LTAP1: variants seen among roughly 807,000 people sequenced by gnomAD.
LTAP1 encodes HCV NS5A-transactivated protein 4.
At chr1:154,215,296 G>A in the LTAP1 span, among the ~76,000 whole-genome samples, 1 of 152,148 alleles carries the variant, frequency 6.6e-6, no homozygotes, top group Non-Finnish European at 1.5e-5. Context: ...GCCGGGTGCT[G>A]TGGCTCACGC....
chr1:154,208,865 G>C, the LTAP1 span, among the ~76,000 whole-genome samples: 1 of 151,946 alleles, frequency 6.6e-6, no homozygotes, highest in South Asian at 2.1e-4. Context: ...ACCTGTCTCG[G>C]CCTCCCGAGT....
At chr1:154,220,523 T>C in the LTAP1 span, 344 of 1,190,986 alleles carry the variant, frequency 2.9e-4, no homozygotes, top group African/African-American at 4.8e-3. Context: ...GCCATTTCCT[T>C]ACGGGGGAAG....
the LTAP1 span, among the ~76,000 whole-genome samples, chr1:154,210,625 G>A: frequency 5.9e-4 from 89 of 151,950 alleles, no homozygotes; most frequent in Non-Finnish European, 1.1e-3. Flanking sequence ...TTACAGGTGC[G>A]CACATCATCA....
At chr1:154,216,804 G>A in the LTAP1 span, among the ~76,000 whole-genome samples, 3 of 150,988 alleles carry the variant, frequency 2.0e-5, no homozygotes, top group Non-Finnish European at 3.0e-5. Context: ...GTGAACCACC[G>A]CGCCTGGCCC....
At chr1:154,215,202 T>A in the LTAP1 span, among the ~76,000 whole-genome samples, 3 of 152,084 alleles carry the variant, frequency 2.0e-5, no homozygotes, top group Non-Finnish European at 4.4e-5. Flanking sequence ...AGCTAGAGGC[T>A]ACTTTAAAAA....
the LTAP1 span, chr1:154,211,958 G>A: frequency 9.5e-6 from 2 of 209,966 alleles, no homozygotes; most frequent in Non-Finnish European, 2.0e-5. Context: ...CCGGGTTCAA[G>A]AGATTCTCCT....
chr1:154,219,702 A>G, the LTAP1 span: 1 of 697,312 alleles, frequency 1.4e-6, no homozygotes. Context: ...GTGCCTGCTC[A>G]ACTTAGTAAG....
the LTAP1 span, among the ~76,000 whole-genome samples, chr1:154,208,097 C>CAA: frequency 8.9e-5 from 12 of 134,936 alleles, no homozygotes; most frequent in African/African-American, 3.0e-4. Context: ...GACTCCATCT[C>CAA]AAAAAAAAAA....
the LTAP1 span, chr1:154,207,690 A>G: frequency 6.8e-7 from 1 of 1,477,690 alleles, no homozygotes; most frequent in South Asian, 1.3e-5. Context: ...AATGAGGACT[A>G]ATCAAAGAAA....
chr1:154,208,032 C>T, the LTAP1 span, among the ~76,000 whole-genome samples: 3 of 151,500 alleles, frequency 2.0e-5, no homozygotes, highest in Non-Finnish European at 4.4e-5. Flanking sequence ...ACCCAGGAGG[C>T]AGAGGTTGCA....
the LTAP1 span, among the ~76,000 whole-genome samples, chr1:154,216,851 A>G: frequency 2.0e-4 from 30 of 151,326 alleles, no homozygotes; most frequent in Non-Finnish European, 4.4e-5. Context: ...GTTTCCCCAT[A>G]TTGCCTACGC....
At chr1:154,209,147 A>G in the LTAP1 span, among the ~76,000 whole-genome samples, 1 of 152,166 alleles carries the variant, frequency 6.6e-6, no homozygotes, top group Non-Finnish European at 1.5e-5. Context: ...TGTTAAGTAT[A>G]TTCACAGTGT....
At chr1:154,207,750 T>G in the LTAP1 span, 2 of 967,038 alleles carry the variant, frequency 2.1e-6, no homozygotes, top group Non-Finnish European at 3.1e-6. Flanking sequence ...AAATAGTTAT[T>G]TGTGTCCTAT....
the LTAP1 span, chr1:154,214,527 G>C: frequency 6.2e-7 from 1 of 1,613,934 alleles, no homozygotes; most frequent in Non-Finnish European, 8.5e-7. Context: ...GCTCATACTT[G>C]ATATCCTGAA....
At chr1:154,211,407 G>A in the LTAP1 span, among the ~76,000 whole-genome samples, 1 of 117,426 alleles carries the variant, frequency 8.5e-6, no homozygotes, top group Non-Finnish European at 1.6e-5. Flanking sequence ...CGTGATCTCA[G>A]CTCACTGCAA....
the LTAP1 span, chr1:154,207,425 A>C: frequency 6.2e-6 from 10 of 1,610,818 alleles, no homozygotes; most frequent in African/African-American, 1.3e-5. Context: ...TGACTGGCTT[A>C]ATCTACGGCA....
the LTAP1 span, chr1:154,219,949 G>C: frequency 1.3e-6 from 2 of 1,572,774 alleles, no homozygotes; most frequent in Non-Finnish European, 8.6e-7. Context: ...TGTCCAAAAA[G>C]ATGTAAAAAT....
chr1:154,209,855 G>T, the LTAP1 span, among the ~76,000 whole-genome samples: 72 of 151,908 alleles, frequency 4.7e-4, no homozygotes, highest in Non-Finnish European at 8.4e-4. Flanking sequence ...CTCTCCAAGT[G>T]TTGGGATTAC....
At chr1:154,214,832 A>G in the LTAP1 span, among the ~76,000 whole-genome samples, 1 of 149,868 alleles carries the variant, frequency 6.7e-6, no homozygotes, top group Non-Finnish European at 1.5e-5. Flanking sequence ...TACAGCACCA[A>G]CATTATTTCC....
Sources: allele counts gnomAD v4.1 joint callset (sites outside exome capture counted in the v4.1 genomes callset), GRCh38; gene constraint gnomAD v4.1.1; transcripts MANE v1.5; gene names NCBI Gene and HGNC (gene_info 2026-07-23, HGNC 2026-07-21).